NFIC: variants seen among roughly 807,000 people sequenced by gnomAD.
NFIC encodes the protein nuclear factor I C.
Under a neutral mutation model 54.4 loss-of-function variants are expected in NFIC, and 12 were observed. The ratio of observed to expected loss-of-function variants is 0.22; its 90% CI spans 0.14 to 0.36. The LOEUF (loss-of-function observed/expected upper bound fraction) is 0.36, where lower values mean the gene tolerates loss of function less well. Among genes scored for constraint, NFIC ranks in the 10% least tolerant of loss-of-function variants. NFIC has a pLI of 1.00. For synonymous variants in NFIC, 322 were observed against 319.2 expected (o/e 1.01, Z -0.09); for missense variants, 575 against 718.2 (o/e 0.80, Z 2.28).
intron 6 of NFIC, among the ~76,000 whole-genome samples, chr19:3,443,391 C>T (rs2082322392): frequency 6.6e-6 from 1 of 151,820 alleles, no homozygotes; most frequent in South Asian, 2.1e-4. Flanking sequence ...CCAGTGCACT[C>T]CAGTCTGGGC....
intron 7 of NFIC, among the ~76,000 whole-genome samples, chr19:3,450,116 C>T (rs1020038613): frequency 9.2e-5 from 14 of 152,070 alleles, no homozygotes; most frequent in African/African-American, 1.9e-4. Context: ...GATTTCAAGG[C>T]GGGCGGATTA....
chr19:3,372,005 CT>C (rs2145440061), intron 1 of NFIC, among the ~76,000 whole-genome samples: 1 of 81,034 alleles, frequency 1.2e-5, no homozygotes, highest in South Asian at 5.0e-4. Context: ...CTCCCTCTCT[CT>C]CTCTCTCTCT....
intron 2 of NFIC, among the ~76,000 whole-genome samples, chr19:3,385,757 C>A (rs923406427): frequency 6.6e-6 from 1 of 151,614 alleles, no homozygotes; most frequent in Non-Finnish European, 1.5e-5. Context: ...ATTTTTAATA[C>A]GGACGGGGTT....
chr19:3,435,904 G>A (rs1161744805), intron 6 of NFIC, among the ~76,000 whole-genome samples: 1 of 151,960 alleles, frequency 6.6e-6, no homozygotes, highest in African/African-American at 2.4e-5. Context: ...TCCGCTCACT[G>A]CAGCCTCCAC....
At chr19:3,417,085 C>T (rs1405293887) in intron 2 of NFIC, among the ~76,000 whole-genome samples, 2 of 150,702 alleles carry the variant, frequency 1.3e-5, no homozygotes, top group East Asian at 4.0e-4. Context: ...TGGGGTTTCA[C>T]CATGTTAGCC....
intron 6 of NFIC, among the ~76,000 whole-genome samples, chr19:3,447,171 C>T (rs759822192): frequency 5.5e-4 from 84 of 151,688 alleles, no homozygotes; most frequent in Admixed American, 2.2e-3. Context: ...TGGTGGTGGG[C>T]GCCTGTAATC....
chr19:3,428,458 A>G lies in NFIC; in HGVS notation c.634+3281A>G, dbSNP rs954983173. Among the ~76,000 whole-genome samples, 103 of 151,972 alleles carry G rather than the reference A, an allele frequency of 6.8e-4. 1 individual carries two copies. The highest frequency in any genetic ancestry group is 1.4e-3 in the Non-Finnish European group (94 of 67,938). On this transcript the variant is annotated intron_variant, in intron 3 of 10. Transcript: ENST00000443272. ...TAGAGTGAGACTGTCTCAAAAAAAA[A>G]AAAGGAAAGGAAAAGAAGGAAGGAA...
chr19:3,411,548 G>A (rs747407796), intron 2 of NFIC, among the ~76,000 whole-genome samples: 2 of 151,606 alleles, frequency 1.3e-5, no homozygotes, highest in Non-Finnish European at 2.9e-5. Flanking sequence ...GGCTGGTCTC[G>A]AACTCCTGAC....
At chr19:3,410,801 G>A (rs1317647715) in intron 2 of NFIC, 1 of 152,292 alleles carries the variant, frequency 6.6e-6, no homozygotes, top group Admixed American at 6.5e-5. Flanking sequence ...GGCAGCGATT[G>A]GAAACGCCCG....
chr19:3,382,241 G>A lies in NFIC; in HGVS notation c.560G>A (p.Arg187Gln), dbSNP rs201011953. Residue 187 changes from arginine (R) to glutamine (Q), a missense_variant and splice_region_variant, in exon 2 of 11, where the codon CGA becomes CAA. Physicochemically the swap from Arg to Gln is conservative, Grantham distance 43. Around this residue, in one of 3 missense-constraint regions of NFIC, gnomAD observed 447 missense variants for 526.9 expected, o/e 0.85. Coordinates refer to ENST00000443272, the MANE Select transcript of NFIC (RefSeq NM_001245002.2). ...TACCTGGCCTACTTCGTGCGTGAGC[G>A]AGGTGAGGTGTGGTGGCCTGAGCGG... The part of the protein sequence containing the change: ...DLYLAYFVRE[R>Q]DAEQSGSPRT... The A allele has an allele frequency of 3.1e-5, 50 of 1,599,682 alleles. No homozygotes were observed. The highest frequency in any genetic ancestry group is 3.6e-4 in the Middle Eastern group (2 of 5,502).
chr19:3,429,125 A>G (rs2082073861), intron 3 of NFIC, among the ~76,000 whole-genome samples: 1 of 93,032 alleles, frequency 1.1e-5, no homozygotes, highest in Non-Finnish European at 2.0e-5. Context: ...TCTCTACCCA[A>G]AAAAAAAATA....
At chr19:3,438,065 G>T (rs967892806) in intron 6 of NFIC, among the ~76,000 whole-genome samples, 5 of 152,158 alleles carry the variant, frequency 3.3e-5, no homozygotes, top group African/African-American at 1.2e-4. Context: ...TAAAGTGAAA[G>T]ACCACCTTTG....
intron 6 of NFIC, among the ~76,000 whole-genome samples, chr19:3,436,987 GA>G (rs2082213189): frequency 6.6e-6 from 1 of 152,120 alleles, no homozygotes; most frequent in African/African-American, 2.4e-5. Flanking sequence ...ACAGGAGGAG[GA>G]AGGGTAGGAT....
At chr19:3,462,458 A>G (rs1045181153) in intron 10 of NFIC, among the ~76,000 whole-genome samples, 1 of 152,236 alleles carries the variant, frequency 6.6e-6, no homozygotes, top group Non-Finnish European at 1.5e-5. Flanking sequence ...GTGTAAGTAT[A>G]TCCCCAATGT....
At chr19:3,363,792 G>A (rs961395161), upstream of NFIC, among the ~76,000 whole-genome samples, 2 of 152,236 alleles carry the variant, frequency 1.3e-5, no homozygotes, top group Non-Finnish European at 2.9e-5. Flanking sequence ...ACTGGGGGGT[G>A]CCCCTGGCAT....
chr19:3,423,240 T>G (rs1320113991), intron 2 of NFIC, among the ~76,000 whole-genome samples: 1 of 151,850 alleles, frequency 6.6e-6, no homozygotes, highest in Non-Finnish European at 1.5e-5. Flanking sequence ...AAAGTAATAA[T>G]GGGGCGGACT....
At chr19:3,402,706 C>A (rs1032324451) in intron 2 of NFIC, among the ~76,000 whole-genome samples, 2 of 152,196 alleles carry the variant, frequency 1.3e-5, no homozygotes, top group African/African-American at 4.8e-5. Flanking sequence ...TCAGCGTAGA[C>A]CTCTCTGAGA....
chr19:3,416,778 C>T (rs1463561403), intron 2 of NFIC, among the ~76,000 whole-genome samples: 1 of 151,870 alleles, frequency 6.6e-6, no homozygotes, highest in Non-Finnish European at 1.5e-5. Context: ...CCGCCTCGGC[C>T]TCCCAAAGCA....
At position 3,369,827 on chromosome 19, in the gene NFIC, C is replaced by T. The variant is rs554102056; in HGVS notation, c.30+3161C>T. 1.3e-5 allele frequency among the ~76,000 whole-genome samples: 2 copies of T among 152,324 alleles called. No homozygotes were observed. Among genetic ancestry groups the T allele is most frequent in the African/African-American group, 2.4e-5 (1 of 41,578 alleles). On this transcript the variant is annotated intron_variant, in intron 1 of 10. Transcript: ENST00000443272. This position sits in a 1 kb window ranked among gnomAD's most constrained non-coding sequence, Gnocchi z 4.3. Reference sequence around the variant, plus strand: ...CAAGTCCCTCTTGGCCGCAGCGTGGCGGATTCCCCGAGCCACCTCCATCCC... The same window carrying T: ...CAAGTCCCTCTTGGCCGCAGCGTGGTGGATTCCCCGAGCCACCTCCATCCC...
Sources: allele counts gnomAD v4.1 joint callset (sites outside exome capture counted in the v4.1 genomes callset), GRCh38; gene constraint gnomAD v4.1.1; regional missense constraint gnomAD v4.1.1; non-coding constraint Gnocchi (gnomAD v3.1); transcripts MANE v1.5; gene names NCBI Gene and HGNC (gene_info 2026-07-23, HGNC 2026-07-21).